STXBP5L: variants seen among roughly 807,000 people sequenced by gnomAD.
The protein encoded by STXBP5L is syntaxin-binding protein 5-like.
A neutral mutation model predicts 144.5 loss-of-function variants in STXBP5L; 65 were observed. The ratio of observed to expected loss-of-function variants is 0.45; its 90% CI spans 0.37 to 0.55. The LOEUF (loss-of-function observed/expected upper bound fraction) is 0.55. Among genes scored for constraint, STXBP5L ranks in the 20% least tolerant of loss-of-function variants. STXBP5L has a pLI of 0.00. For synonymous variants in STXBP5L, 505 were observed against 469.6 expected, an observed-to-expected ratio of 1.08 and a Z score of -0.97; for missense variants, 1,298 against 1,405.5, an observed-to-expected ratio of 0.92 and a Z score of 1.22.
chr3:121,025,975 TTAA>T (rs980633766), intron 3 of STXBP5L, among the ~76,000 whole-genome samples: 29 of 146,368 alleles, frequency 2.0e-4, no homozygotes, highest in Admixed American at 3.5e-4. Context: ...TATATTAATG[TTAA>T]TAATATATTA....
At chr3:121,037,667 T>C (rs1441497852) in intron 3 of STXBP5L, among the ~76,000 whole-genome samples, 1 of 152,134 alleles carries the variant, frequency 6.6e-6, no homozygotes, top group Non-Finnish European at 1.5e-5. Context: ...AGTAAAAGTA[T>C]TTTTATAGAA....
intron 20 of STXBP5L, among the ~76,000 whole-genome samples, chr3:121,358,856 A>G (rs181305540): frequency 3.9e-5 from 6 of 152,274 alleles, no homozygotes; most frequent in African/African-American, 1.2e-4. Context: ...ACTCCATTGC[A>G]TATATGTAGC....
At chr3:121,320,583 T>C (rs1367862401) in intron 20 of STXBP5L, among the ~76,000 whole-genome samples, 1 of 152,128 alleles carries the variant, frequency 6.6e-6, no homozygotes, top group Non-Finnish European at 1.5e-5. Context: ...AATTAATTAT[T>C]ATAATTGCTG....
At chr3:120,972,250 A>G (rs2107800934) in intron 3 of STXBP5L, among the ~76,000 whole-genome samples, 1 of 151,926 alleles carries the variant, frequency 6.6e-6, no homozygotes, top group East Asian at 1.9e-4. Context: ...GATTTCTTTC[A>G]TTGTTGTTTT....
At chr3:121,049,413 G>T (rs1345527853) in intron 5 of STXBP5L, among the ~76,000 whole-genome samples, 2 of 152,090 alleles carry the variant, frequency 1.3e-5, no homozygotes, top group Non-Finnish European at 2.9e-5. Flanking sequence ...AGGGGTGGGG[G>T]CTCCTGTGTA....
At chr3:121,001,162 T>G (rs533172684) in intron 3 of STXBP5L, among the ~76,000 whole-genome samples, 21 of 152,278 alleles carry the variant, frequency 1.4e-4, no homozygotes, top group African/African-American at 4.8e-4. Context: ...TGCATAGGCA[T>G]GTGTACTGGC....
chr3:120,950,751 T>C (rs1711166597), intron 2 of STXBP5L, among the ~76,000 whole-genome samples: 1 of 152,128 alleles, frequency 6.6e-6, no homozygotes, highest in Non-Finnish European at 1.5e-5. Context: ...ATAGATTCAA[T>C]GCCATCCCCA....
intron 3 of STXBP5L, among the ~76,000 whole-genome samples, chr3:120,957,121 T>C (rs568780776): frequency 4.7e-4 from 72 of 152,098 alleles, no homozygotes; most frequent in Admixed American, 6.6e-4. Context: ...CAAAAAATTA[T>C]TTGATCATAC....
At chr3:121,023,926 T>G (rs950568774) in intron 3 of STXBP5L, among the ~76,000 whole-genome samples, 5 of 152,100 alleles carry the variant, frequency 3.3e-5, no homozygotes, top group Admixed American at 2.0e-4. Context: ...CAGCTAATTT[T>G]TTTTTGTATT....
chr3:121,274,647 T>C (rs772865729), intron 18 of STXBP5L, among the ~76,000 whole-genome samples: 9 of 152,200 alleles, frequency 5.9e-5, no homozygotes, highest in Non-Finnish European at 1.0e-4. Context: ...CAGAGGCACA[T>C]GTAACTGAGG....
intron 22 of STXBP5L, among the ~76,000 whole-genome samples, chr3:121,398,910 T>C (rs1315672523): frequency 6.6e-6 from 1 of 152,166 alleles, no homozygotes; most frequent in Non-Finnish European, 1.5e-5. Context: ...GCTGAATTCC[T>C]ACCTGAATAG....
intron 9 of STXBP5L, among the ~76,000 whole-genome samples, chr3:121,184,962 A>G (rs983406356): frequency 6.6e-6 from 1 of 152,188 alleles, no homozygotes; most frequent in African/African-American, 2.4e-5. Context: ...ATCCAGCCAA[A>G]TAGTTTCATA....
chr3:121,256,451 A>C (rs889890740), intron 16 of STXBP5L, among the ~76,000 whole-genome samples: 2 of 152,012 alleles, frequency 1.3e-5, no homozygotes, highest in African/African-American at 4.8e-5. Flanking sequence ...TAAAGTATTT[A>C]GTTTTAAAAC....
At chr3:121,180,340 G>A (rs961940644) in intron 9 of STXBP5L, among the ~76,000 whole-genome samples, 1 of 152,152 alleles carries the variant, frequency 6.6e-6, no homozygotes, top group Non-Finnish European at 1.5e-5. Context: ...GCAAAACTAA[G>A]CTTCATTAAT....
chr3:121,032,011 T>C (rs1946404509), intron 3 of STXBP5L, among the ~76,000 whole-genome samples: 1 of 152,104 alleles, frequency 6.6e-6, no homozygotes, highest in Non-Finnish European at 1.5e-5. Context: ...AAGATTTTTG[T>C]GGTACATGCA....
chr3:121,327,623 C>A (rs545891495), intron 20 of STXBP5L, among the ~76,000 whole-genome samples: 2 of 152,272 alleles, frequency 1.3e-5, no homozygotes, highest in African/African-American at 4.8e-5. Context: ...TGTGGGGATG[C>A]TTTCCTATGT....
At chr3:121,358,631 A>G (rs1487540915) in intron 20 of STXBP5L, among the ~76,000 whole-genome samples, 1 of 152,170 alleles carries the variant, frequency 6.6e-6, no homozygotes, top group African/African-American at 2.4e-5. Flanking sequence ...ATTACACTTC[A>G]ACATGAGATT....
At chr3:121,329,611 A>G (rs2108555041) in intron 20 of STXBP5L, among the ~76,000 whole-genome samples, 1 of 152,322 alleles carries the variant, frequency 6.6e-6, no homozygotes, top group Middle Eastern at 3.4e-3. Context: ...CTGTAATCCC[A>G]GTGCTTTGGG....
At chr3:121,089,568 G>C (rs866044562) in intron 5 of STXBP5L, among the ~76,000 whole-genome samples, 1 of 151,232 alleles carries the variant, frequency 6.6e-6, no homozygotes, top group Middle Eastern at 3.2e-3. Context: ...TCAGATAATT[G>C]GCTGTGATTT....
Sources: gnomAD v4.1 joint callset for allele counts (sites outside exome capture counted in the v4.1 genomes callset) on GRCh38, gnomAD v4.1.1 for gene constraint, MANE v1.5 for transcripts, NCBI Gene and HGNC (gene_info 2026-07-23, HGNC 2026-07-21) for gene names.